LTBP1: variants seen among roughly 807,000 people sequenced by gnomAD.
LTBP1 encodes latent transforming growth factor beta binding protein 1.
LTBP1 carries 129 observed loss-of-function variants against 207.6 expected under a neutral mutation model. That is an observed-to-expected ratio of 0.62 (90% confidence interval 0.54 to 0.72). The LOEUF (loss-of-function observed/expected upper bound fraction) is 0.72. Among genes scored for constraint, LTBP1 ranks in the 30% least tolerant of loss-of-function variants. LTBP1 has a pLI of 0.00. For missense variants in LTBP1, 2,281 were observed against 2,217.2 expected (o/e 1.03, Z -0.58); for synonymous variants, 963 against 833.7 (o/e 1.16, Z -2.67).
At position 32,998,594 on chromosome 2, in the gene LTBP1, T is replaced by C. The variant is rs142495430; in HGVS notation, c.566-22315T>C. 1.4e-4 allele frequency among the ~76,000 whole-genome samples: 21 copies of C among 149,174 alleles called. No homozygotes were observed. The East Asian group carries it at 3.5e-3, about 25-fold the overall frequency. ...GTGTTGCAAAAAACATATAACTGAA[T>C]GTTATGAACTGCAAAATTTCTATGT... On this transcript the variant is annotated intron_variant, in intron 2 of 33. Transcript: ENST00000404816.
chr2:33,281,007 G>T (rs1370972573), intron 19 of LTBP1, among the ~76,000 whole-genome samples: 1 of 152,138 alleles, frequency 6.6e-6, no homozygotes, highest in Non-Finnish European at 1.5e-5. Flanking sequence ...GGAGTTCAAG[G>T]TTTCAGTGAG....
chr2:33,313,075 A>G (rs1380739559), intron 23 of LTBP1, among the ~76,000 whole-genome samples: 1 of 152,254 alleles, frequency 6.6e-6, no homozygotes, highest in Non-Finnish European at 1.5e-5. Context: ...GAGAACAAAC[A>G]TAGACAATGT....
At chr2:32,979,214 T>C (rs7598914) in intron 2 of LTBP1, among the ~76,000 whole-genome samples, 1 of 151,758 alleles carries the variant, frequency 6.6e-6, no homozygotes, top group Non-Finnish European at 1.5e-5. Flanking sequence ...GCTCTGATCT[T>C]TATTATTTCT....
chr2:33,081,785 C>A (rs188982261), intron 3 of LTBP1, among the ~76,000 whole-genome samples: 2 of 151,936 alleles, frequency 1.3e-5, no homozygotes, highest in African/African-American at 4.8e-5. Context: ...ATCATGGGGG[C>A]GGTTACCCTC....
intron 2 of LTBP1, among the ~76,000 whole-genome samples, chr2:32,950,972 G>A (rs1677015546): frequency 6.6e-6 from 1 of 152,196 alleles, no homozygotes; most frequent in South Asian, 2.1e-4. Flanking sequence ...AGGCAAGAGA[G>A]GCAAAGAAGT....
intron 7 of LTBP1, 145 bp from the exon 8 acceptor site, chr2:33,217,407 T>G: frequency 3.9e-6 from 2 of 511,658 alleles, no homozygotes; most frequent in South Asian, 3.0e-5. Flanking sequence ...GGTATTTTCT[T>G]TCCAAGTTTT....
At chr2:33,294,889 AT>A (rs949501974) in intron 20 of LTBP1, among the ~76,000 whole-genome samples, 3 of 151,322 alleles carry the variant, frequency 2.0e-5, no homozygotes, top group African/African-American at 7.3e-5. Flanking sequence ...AATGTTCTGA[AT>A]TTTTTTACTA....
chr2:33,257,307 G>C lies in LTBP1; in HGVS notation c.2191G>C (p.Gly731Arg). The change falls in exon 12 of 34, where the codon GGT (glycine) becomes CGT (arginine). Residue 731 changes from glycine to arginine, a missense_variant. By Grantham distance (125) the Gly-to-Arg change is moderately radical. Coordinates refer to ENST00000404816, the MANE Select transcript of LTBP1 (RefSeq NM_206943.4). ...GTAAFKEICP[G>R]GMGYTVSGVH... Reference sequence around the variant, plus strand: ...AGCTGCTTTTAAGGAAATCTGTCCTGGTGGAATGGGTTATACGGTTTCTGG... The same window carrying C: ...AGCTGCTTTTAAGGAAATCTGTCCTCGTGGAATGGGTTATACGGTTTCTGG... The C allele has an allele frequency of 6.2e-7, 1 of 1,613,992 alleles. No homozygotes were observed. The highest frequency in any genetic ancestry group is 8.5e-7 in the Non-Finnish European group (1 of 1,179,848).
intron 4 of LTBP1, among the ~76,000 whole-genome samples, chr2:33,122,413 C>G (rs564348029): frequency 6.6e-6 from 1 of 152,252 alleles, no homozygotes; most frequent in South Asian, 2.1e-4. Context: ...TATGGGTGAC[C>G]TCACCTTCTG....
At chr2:33,017,601 A>G (rs1346109789) in intron 2 of LTBP1, among the ~76,000 whole-genome samples, 2 of 151,984 alleles carry the variant, frequency 1.3e-5, no homozygotes, top group African/African-American at 2.4e-5. Flanking sequence ...ATAGAAGGAC[A>G]TGAGTTGTTT....
chr2:33,144,112 G>A (rs552828178), intron 5 of LTBP1, among the ~76,000 whole-genome samples: 24 of 151,686 alleles, frequency 1.6e-4, no homozygotes, highest in African/African-American at 4.4e-4. Context: ...GGGTAGAGGC[G>A]TTGAGAGAGA....
At chr2:33,354,337 A>G (rs189703405) in intron 26 of LTBP1, among the ~76,000 whole-genome samples, 133 of 152,296 alleles carry the variant, frequency 8.7e-4, no homozygotes, top group African/African-American at 2.8e-3. Flanking sequence ...GGTAGGAAAA[A>G]AATATTAAAG....
chr2:33,051,889 A>G (rs1261741017), intron 3 of LTBP1, among the ~76,000 whole-genome samples: 2 of 152,244 alleles, frequency 1.3e-5, no homozygotes, highest in Non-Finnish European at 2.9e-5. Context: ...ACATAGGCAC[A>G]TACTTTCATT....
At chr2:33,332,978 T>C (rs1320068231) in intron 24 of LTBP1, 4 of 152,110 alleles carry the variant, frequency 2.6e-5, no homozygotes, top group African/African-American at 9.7e-5. Flanking sequence ...AGTACTTGGA[T>C]GGGAGAGAGA....
intron 5 of LTBP1, among the ~76,000 whole-genome samples, chr2:33,180,164 G>C (rs947630711): frequency 1.3e-5 from 2 of 152,090 alleles, no homozygotes; most frequent in African/African-American, 4.8e-5. Flanking sequence ...CCTAACTCTG[G>C]TTTTTTGATG....
intron 23 of LTBP1, among the ~76,000 whole-genome samples, chr2:33,310,865 A>G (rs1027819327): frequency 3.9e-5 from 6 of 152,290 alleles, no homozygotes; most frequent in Admixed American, 1.3e-4. Flanking sequence ...TGGAAAATTC[A>G]CACTTATTTT....
chr2:33,234,252 GTC>G (rs2091931046), intron 9 of LTBP1, among the ~76,000 whole-genome samples: 1 of 152,012 alleles, frequency 6.6e-6, no homozygotes, highest in Non-Finnish European at 1.5e-5. Flanking sequence ...TTACAGCTTT[GTC>G]TCTAAAGTTG....
At chr2:33,228,418 C>T (rs1013471526) in intron 9 of LTBP1, among the ~76,000 whole-genome samples, 1 of 152,122 alleles carries the variant, frequency 6.6e-6, no homozygotes, top group Non-Finnish European at 1.5e-5. Context: ...ATTTGTGCAG[C>T]ATATTGCTAA....
At chr2:33,217,429 C>T in intron 7 of LTBP1, 123 bp from the exon 8 acceptor site, 1 of 552,836 alleles carries the variant, frequency 1.8e-6, no homozygotes, top group Non-Finnish European at 3.3e-6. Context: ...TAGTTTTTTT[C>T]CTTTCTAATT....
Sources: gnomAD v4.1 joint callset for allele counts (sites outside exome capture counted in the v4.1 genomes callset) on GRCh38, gnomAD v4.1.1 for gene constraint, MANE v1.5 for transcripts, NCBI Gene and HGNC (gene_info 2026-07-23, HGNC 2026-07-21) for gene names.